Variants in KATNAL1 observed in about 807,000 individuals in gnomAD.
KATNAL1 encodes katanin p60 ATPase-containing subunit A-like 1.
A neutral mutation model predicts 55.2 loss-of-function variants in KATNAL1; 32 were observed. The ratio of observed to expected loss-of-function variants is 0.58; its 90% CI spans 0.44 to 0.78. The LOEUF (loss-of-function observed/expected upper bound fraction) is 0.78. KATNAL1 is among the 30% of genes least tolerant of loss of function. The pLI is 0.00. For synonymous variants in KATNAL1, 193 were observed against 193.6 expected, an observed-to-expected ratio of 1.00 and a Z score of 0.02; for missense variants, 466 against 600.9, an observed-to-expected ratio of 0.78 and a Z score of 2.35.
chr13:30,237,552 C>A (rs1482256932), intron 6 of KATNAL1, among the ~76,000 whole-genome samples: 1 of 152,120 alleles, frequency 6.6e-6, no homozygotes, highest in African/African-American at 2.4e-5. Context: ...ATAATCTGAT[C>A]TTAAAACTTG....
At chr13:30,306,041 T>C (rs750715524) in intron 1 of KATNAL1, among the ~76,000 whole-genome samples, 22 of 150,836 alleles carry the variant, frequency 1.5e-4, no homozygotes, top group Admixed American at 4.6e-4. Context: ...ATAGGATTTG[T>C]GGTCTTTTTG....
In KATNAL1 at chr13:30,208,759, G is replaced by A. The variant is rs9508679; in HGVS notation, c.1275-21C>T. ...CATCCCTAAAAATATACCAAAATCA[G>A]TCAACAGTAATTTTTGCACATGTTT... On this transcript the variant is annotated intron_variant, in intron 10 of 10. Coordinates refer to ENST00000380615, the MANE Select transcript of KATNAL1 (RefSeq NM_032116.5). 9,547 of 1,535,142 alleles carry A rather than the reference G, an allele frequency of 6.2e-3. 54 individuals are homozygous for A. The highest frequency in any genetic ancestry group is 7.5e-3 in the Non-Finnish European group (8,405 of 1,125,096).
intron 9 of KATNAL1, 21 bp from the exon 10 acceptor site, chr13:30,210,463 T>C (rs1275070585): frequency 6.3e-7 from 1 of 1,581,430 alleles, no homozygotes. Flanking sequence ...ATTTTGGTGG[T>C]GTTGTTAGAT....
At chr13:30,253,215 G>A (rs1878490469) in intron 4 of KATNAL1, among the ~76,000 whole-genome samples, 1 of 152,108 alleles carries the variant, frequency 6.6e-6, no homozygotes, top group Non-Finnish European at 1.5e-5. Context: ...ACCTTTCAAA[G>A]GCTTATGAAG....
chr13:30,263,087 T>C (rs1879443142), intron 3 of KATNAL1, among the ~76,000 whole-genome samples: 1 of 152,124 alleles, frequency 6.6e-6, no homozygotes, highest in Admixed American at 6.5e-5. Context: ...ATAAATGTAA[T>C]CCAGCATATA....
chr13:30,239,239 G>C (rs1028703772), intron 6 of KATNAL1, among the ~76,000 whole-genome samples: 2 of 152,046 alleles, frequency 1.3e-5, no homozygotes, highest in Non-Finnish European at 2.9e-5. Context: ...GCAAAACCCA[G>C]CCTCTACCAA....
chr13:30,210,188 AC>A (rs1361883260), intron 10 of KATNAL1, 127 bp downstream of exon 10: 7 of 655,868 alleles, frequency 1.1e-5, no homozygotes, highest in Non-Finnish European at 1.6e-5. Flanking sequence ...CAAATGGGAA[AC>A]CATTTTAAAG....
chr13:30,280,224 C>T lies in KATNAL1; in HGVS notation c.163-1G>A. On this transcript the variant is annotated splice_acceptor_variant, in intron 2 of 10. Coordinates refer to ENST00000380615, the MANE Select transcript of KATNAL1 (RefSeq NM_032116.5). LOFTEE classifies it high-confidence loss of function. ...ATTCCTCCAATAATTCCTGCCGAAC[C>T]TTAAAAAAAAAAAATAGGCTTTATG... 1 of 1,553,794 alleles carries T rather than the reference C, an allele frequency of 6.4e-7. No homozygotes were observed. Among genetic ancestry groups the T allele is most frequent in the East Asian group, 2.3e-5 (1 of 43,854 alleles).
chr13:30,224,931 T>A (rs1447272324), intron 9 of KATNAL1, among the ~76,000 whole-genome samples: 1 of 152,172 alleles, frequency 6.6e-6, no homozygotes, highest in Non-Finnish European at 1.5e-5. Context: ...ACCACATGAG[T>A]CATGTCTGAG....
chr13:30,232,056 A>G (rs1234353842), intron 6 of KATNAL1, among the ~76,000 whole-genome samples: 1 of 152,210 alleles, frequency 6.6e-6, no homozygotes, highest in East Asian at 1.9e-4. Flanking sequence ...AAATAGTAAT[A>G]GTGATGAAAG....
At chr13:30,212,522 G>A (rs1285025173) in intron 9 of KATNAL1, among the ~76,000 whole-genome samples, 1 of 152,196 alleles carries the variant, frequency 6.6e-6, no homozygotes, top group African/African-American at 2.4e-5. Context: ...CCAGTGGTCA[G>A]AACGCTGGGC....
chr13:30,275,754 T>G (rs1161078433), intron 3 of KATNAL1, among the ~76,000 whole-genome samples: 1 of 152,140 alleles, frequency 6.6e-6, no homozygotes, highest in Non-Finnish European at 1.5e-5. Context: ...ATTGATATGC[T>G]AATTAGCTTA....
At chr13:30,296,442 T>C (rs1052263334) in intron 1 of KATNAL1, 2 of 808,716 alleles carry the variant, frequency 2.5e-6, no homozygotes, top group Non-Finnish European at 2.2e-6. Flanking sequence ...TTGGGCCCCC[T>C]GAACATCCCC....
chr13:30,287,456 C>T (rs1053025107), intron 1 of KATNAL1, among the ~76,000 whole-genome samples: 1 of 152,176 alleles, frequency 6.6e-6, no homozygotes, highest in Non-Finnish European at 1.5e-5. Flanking sequence ...AAGTTTCCTG[C>T]GGCCTCCCCA....
intron 4 of KATNAL1, among the ~76,000 whole-genome samples, chr13:30,248,529 T>G (rs1310835339): frequency 6.6e-6 from 1 of 152,166 alleles, no homozygotes; most frequent in East Asian, 1.9e-4. Context: ...AAATAGCCAA[T>G]GAACATATGA....
chr13:30,300,607 A>G (rs1380441278), intron 1 of KATNAL1, among the ~76,000 whole-genome samples: 1 of 152,220 alleles, frequency 6.6e-6, no homozygotes, highest in South Asian at 2.1e-4. Context: ...AAGGAAACAC[A>G]TAACCATGAC....
intron 3 of KATNAL1, among the ~76,000 whole-genome samples, chr13:30,259,323 C>T (rs529038906): frequency 6.6e-6 from 1 of 151,066 alleles, no homozygotes. Context: ...CTGGGCCACA[C>T]AGCAAGGCTC....
At chr13:30,221,610 C>T (rs1298563312) in intron 9 of KATNAL1, among the ~76,000 whole-genome samples, 2 of 152,216 alleles carry the variant, frequency 1.3e-5, no homozygotes, top group Admixed American at 1.3e-4. Context: ...CTAAAACTTA[C>T]AGACTTTACA....
At chr13:30,242,375 T>C (rs532915020) in intron 4 of KATNAL1, among the ~76,000 whole-genome samples, 6 of 152,300 alleles carry the variant, frequency 3.9e-5, no homozygotes, top group East Asian at 3.9e-4. Context: ...AGGAGTATCA[T>C]AGGATTTTAA....
Sources: gnomAD v4.1 joint callset for allele counts (sites outside exome capture counted in the v4.1 genomes callset) on GRCh38, gnomAD v4.1.1 for gene constraint, MANE v1.5 for transcripts, NCBI Gene and HGNC (gene_info 2026-07-23, HGNC 2026-07-21) for gene names.